The following SLC6A12 variants were observed in gnomAD, a reference collection of about 807,000 sequenced individuals.
SLC6A12 encodes solute carrier family 6 member 12, also known as sodium- and chloride-dependent betaine transporter.
SLC6A12 carries 50 observed loss-of-function variants against 73.3 expected under a neutral mutation model. That is an observed-to-expected ratio of 0.68 (90% CI 0.54 to 0.86). The LOEUF is 0.86. Among genes scored for constraint, SLC6A12 ranks in the 40% least tolerant of loss-of-function variants. The probability of loss-of-function intolerance (pLI) is 0.00; values close to 1 mark genes in which losing one functional copy is unlikely to be tolerated. For missense variants in SLC6A12, 648 were observed against 772.8 expected (o/e 0.84, Z 1.92); for synonymous variants, 304 against 309.2 (o/e 0.98, Z 0.18).
At chr12:202,415 G>A (rs1163993087) in intron 5 of SLC6A12, among the ~76,000 whole-genome samples, 1 of 152,154 alleles carries the variant, frequency 6.6e-6, no homozygotes, top group African/African-American at 2.4e-5. Context: ...GCTCAGCCTC[G>A]TACCAATCTC....
chr12:195,415 G>A (rs1221510738), intron 12 of SLC6A12, 88 bp from the exon 13 acceptor site: 2 of 853,168 alleles, frequency 2.3e-6, no homozygotes, highest in Admixed American at 1.8e-5. Context: ...GCCCACGTGG[G>A]GTGCACTCCT....
intron 9 of SLC6A12, 78 bp from the exon 10 acceptor site, chr12:197,579 G>T: frequency 6.8e-7 from 1 of 1,464,154 alleles, no homozygotes; most frequent in Non-Finnish European, 9.2e-7. Flanking sequence ...TGGGAGGAGA[G>T]GTCAAAAGAC....
intron 3 of SLC6A12, among the ~76,000 whole-genome samples, chr12:209,111 C>G (rs571306053): frequency 6.6e-6 from 1 of 152,302 alleles, no homozygotes; most frequent in South Asian, 2.1e-4. Flanking sequence ...GCTCCTCAGA[C>G]AGGCCTGCAG....
chr12:200,265 C>T (rs554463756), intron 7 of SLC6A12, among the ~76,000 whole-genome samples: 39 of 151,032 alleles, frequency 2.6e-4, no homozygotes, highest in South Asian at 1.5e-3. Flanking sequence ...CCCACCACCA[C>T]GCCCGGCTAA....
chr12:204,670 G>A lies in SLC6A12; in HGVS notation c.243C>T (p.Phe81=). The A allele has an allele frequency of 6.2e-7, 1 of 1,614,182 alleles. No homozygotes were observed. Among genetic ancestry groups the A allele is most frequent in the Non-Finnish European group, 8.5e-7 (1 of 1,180,030 alleles). The change falls in exon 4 of 16, where the codon TTC becomes TTT. Residue 81 remains phenylalanine, a synonymous_variant. Coordinates refer to ENST00000684302, the MANE Select transcript of SLC6A12 (RefSeq NM_001122848.3). ...ACACCGGGATGCCGCAGACAAAGAA[G>A]AAGATGAAGTAGGGGATGAAGAAGG... ...GGAFFIPYFI[F]FFVCGIPVFF...
intron 15 of SLC6A12, among the ~76,000 whole-genome samples, chr12:191,427 T>C (rs1939593427): frequency 6.6e-6 from 1 of 152,222 alleles, no homozygotes; most frequent in African/African-American, 2.4e-5. Flanking sequence ...GTCCTGGCTC[T>C]GCTGCCGACC....
chr12:186,332 G>A (rs1005021739), downstream of SLC6A12, among the ~76,000 whole-genome samples: 1 of 152,230 alleles, frequency 6.6e-6, no homozygotes, highest in African/African-American at 2.4e-5. Flanking sequence ...GGCAGCCACA[G>A]CAGCTGTCAG....
At chr12:211,706 C>T (rs1017428689) in intron 2 of SLC6A12, among the ~76,000 whole-genome samples, 1 of 152,186 alleles carries the variant, frequency 6.6e-6, no homozygotes, top group Non-Finnish European at 1.5e-5. Context: ...ACCCTGGAAT[C>T]ATCACCAAAT....
intron 7 of SLC6A12, among the ~76,000 whole-genome samples, chr12:199,979 A>C (rs939950671): frequency 3.3e-5 from 5 of 152,240 alleles, no homozygotes; most frequent in Non-Finnish European, 5.9e-5. Context: ...ACAGACACAC[A>C]CACATACGTA....
At chr12:188,538 GC>G (rs1435171597), downstream of SLC6A12, among the ~76,000 whole-genome samples, 2 of 152,224 alleles carry the variant, frequency 1.3e-5, no homozygotes, top group African/African-American at 4.8e-5. Flanking sequence ...GCAGCGGGGG[GC>G]TGAAGGGCTC....
chr12:188,823 A>C (rs558356447), downstream of SLC6A12, among the ~76,000 whole-genome samples: 1 of 152,136 alleles, frequency 6.6e-6, no homozygotes, highest in Non-Finnish European at 1.5e-5. Context: ...TCCCTGTGAG[A>C]GGTGAGGTTG....
chr12:207,346 C>T (rs1317127996), intron 3 of SLC6A12, among the ~76,000 whole-genome samples: 1 of 152,238 alleles, frequency 6.6e-6, no homozygotes, highest in African/African-American at 2.4e-5. Context: ...TGTGCCTTAC[C>T]TCTGCTGCAT....
intron 5 of SLC6A12, 41 bp downstream of exon 5, chr12:202,698 GC>G (rs774602330): frequency 1.9e-6 from 3 of 1,597,160 alleles, no homozygotes; most frequent in Non-Finnish European, 2.6e-6. Context: ...CCGCAGCCCA[GC>G]CCCTAACAGG....
downstream of SLC6A12, among the ~76,000 whole-genome samples, chr12:186,285 C>G (rs183887068): frequency 2.6e-3 from 393 of 152,322 alleles, 1 homozygote; most frequent in African/African-American, 8.9e-3. Context: ...CTTGACCCAA[C>G]AGAGAGCCCA....
At chr12:210,242 C>T in intron 2 of SLC6A12, 199 bp from the exon 3 acceptor site, 2 of 1,142,236 alleles carry the variant, frequency 1.8e-6, no homozygotes, top group Non-Finnish European at 2.3e-6. Context: ...AAATCCAGGC[C>T]TTGGCAGATG....
chr12:194,174 T>C (rs1229314060), intron 13 of SLC6A12: 1 of 152,268 alleles, frequency 6.6e-6, no homozygotes, highest in Admixed American at 6.5e-5. Flanking sequence ...GTGAAGCATG[T>C]TGAGGCTTAT....
rs777623399 is a variant in SLC6A12, at chr12:198,757, G to A, written c.846+40C>T. 1.3e-5 allele frequency: 21 copies of A among 1,602,178 alleles called. No individual in the cohort carries two copies. Among genetic ancestry groups the A allele is most frequent in the South Asian group, 6.7e-5 (6 of 90,096 alleles). On this transcript the variant is annotated intron_variant, in intron 8 of 15. Transcript: ENST00000684302. This position sits in a 1 kb window ranked among gnomAD's most constrained non-coding sequence, Gnocchi z 4.0. ...TCAAAACTACAGACCTGGCTGGGTGGGGAAGGCACCTGGGGAAGTGGTCCC... is the reference window on the plus strand; with the variant it reads ...TCAAAACTACAGACCTGGCTGGGTGAGGAAGGCACCTGGGGAAGTGGTCCC...
intron 1 of SLC6A12, among the ~76,000 whole-genome samples, chr12:212,796 C>T (rs1055627918): frequency 6.6e-5 from 10 of 152,178 alleles, no homozygotes; most frequent in Admixed American, 3.3e-4. Flanking sequence ...ACACCCCACC[C>T]CCGCTGTGCC....
downstream of SLC6A12, among the ~76,000 whole-genome samples, chr12:189,237 G>GC (rs1161044890): frequency 6.6e-5 from 10 of 152,100 alleles, no homozygotes; most frequent in Non-Finnish European, 1.3e-4. Flanking sequence ...CCGGGGGAGG[G>GC]CGGCGGGGAC....
Sources: allele counts gnomAD v4.1 joint callset (sites outside exome capture counted in the v4.1 genomes callset), GRCh38; gene constraint gnomAD v4.1.1; non-coding constraint Gnocchi (gnomAD v3.1); transcripts MANE v1.5; gene names NCBI Gene and HGNC (gene_info 2026-07-23, HGNC 2026-07-21).